PTPRD: variants seen among roughly 807,000 people sequenced by gnomAD.
The protein encoded by PTPRD is receptor-type tyrosine-protein phosphatase delta.
PTPRD carries 34 observed loss-of-function variants against 214.5 expected under a neutral mutation model. That is an observed-to-expected ratio of 0.16 (90% CI 0.12 to 0.21). PTPRD has a LOEUF of 0.21. Ranked by LOEUF, PTPRD falls within the 10% of genes least tolerant of loss-of-function variation. PTPRD has a pLI of 1.00. For missense variants in PTPRD, 2,545 were observed against 2,398.7 expected (o/e 1.06, Z -1.27); for synonymous variants, 1,128 against 845.7 (o/e 1.33, Z -5.79).
At chr9:9,941,798 G>C (rs942643669) in intron 4 of PTPRD, among the ~76,000 whole-genome samples, 4 of 152,072 alleles carry the variant, frequency 2.6e-5, no homozygotes, top group African/African-American at 7.2e-5. Context: ...CTTTTCTCTG[G>C]GAAGCCTTGC....
rs977050148 is a variant in PTPRD at position 9,777,578 on chromosome 9, G to C, written c.-367-10727C>G. On this transcript the variant is annotated intron_variant, in intron 5 of 45. Transcript: ENST00000381196. ...CCAGTTATGGTGGCACATGCCTGTT[G>C]TCCCAGCTACTCAAGAGCCGGAGGT... is the stretch of plus-strand genomic sequence containing the variant. Among the ~76,000 whole-genome samples, 4 of 152,000 alleles carry C rather than the reference G, an allele frequency of 2.6e-5. No individual in the cohort carries two copies. In the South Asian group the frequency reaches 6.2e-4, roughly 24 times the overall value.
intron 9 of PTPRD, among the ~76,000 whole-genome samples, chr9:9,362,436 A>T (rs2056508682): frequency 1.3e-5 from 2 of 151,258 alleles, no homozygotes; most frequent in African/African-American, 4.8e-5. Flanking sequence ...ACACAGTGTG[A>T]TATCTACAAT....
intron 12 of PTPRD, among the ~76,000 whole-genome samples, chr9:8,673,884 C>G (rs10122820): frequency 6.6e-6 from 1 of 151,708 alleles, no homozygotes; most frequent in South Asian, 2.1e-4. Flanking sequence ...GCAGGATGTT[C>G]AGCAGCACCC....
intron 9 of PTPRD, among the ~76,000 whole-genome samples, chr9:9,199,165 G>C (rs10121946): frequency 0.02 from 3,096 of 152,184 alleles, 106 homozygotes; most frequent in African/African-American, 0.071. Flanking sequence ...AAAGAGGAGA[G>C]AATGACTAGT....
At chr9:9,855,925 G>C (rs531235666) in intron 5 of PTPRD, among the ~76,000 whole-genome samples, 2 of 152,250 alleles carry the variant, frequency 1.3e-5, no homozygotes, top group Admixed American at 1.3e-4. Context: ...TACCGGTGAG[G>C]GTAAAGGGGC....
intron 7 of PTPRD, among the ~76,000 whole-genome samples, chr9:9,728,255 T>G (rs556008921): frequency 6.6e-6 from 1 of 152,104 alleles, no homozygotes; most frequent in East Asian, 1.9e-4. Context: ...ATCTGCAGAG[T>G]GAAAACAAAC....
chr9:10,594,086 T>C (rs2076109173), intron 2 of PTPRD, among the ~76,000 whole-genome samples: 1 of 152,030 alleles, frequency 6.6e-6, no homozygotes, highest in Non-Finnish European at 1.5e-5. Flanking sequence ...CTACTTATTT[T>C]AAATCATTTA....
intron 9 of PTPRD, among the ~76,000 whole-genome samples, chr9:9,249,445 A>C (rs2099974521): frequency 6.6e-6 from 1 of 152,070 alleles, no homozygotes; most frequent in African/African-American, 2.4e-5. Context: ...AAACCTCTTG[A>C]TTTCTAAATG....
chr9:8,686,964 A>G (rs565727667), intron 12 of PTPRD, among the ~76,000 whole-genome samples: 1 of 152,284 alleles, frequency 6.6e-6, no homozygotes, highest in Non-Finnish European at 1.5e-5. Flanking sequence ...TGTGTAAGAT[A>G]TGGTATTTCC....
intron 8 of PTPRD, among the ~76,000 whole-genome samples, chr9:9,475,297 C>T (rs2094943026): frequency 6.6e-6 from 1 of 152,092 alleles, no homozygotes; most frequent in Admixed American, 6.5e-5. Flanking sequence ...CATCCAAAAC[C>T]AATACTAGAA....
At chr9:9,870,565 G>C (rs1222685468) in intron 5 of PTPRD, among the ~76,000 whole-genome samples, 1 of 151,710 alleles carries the variant, frequency 6.6e-6, no homozygotes, top group African/African-American at 2.4e-5. Flanking sequence ...ATATTGTTGA[G>C]ATAATTATAG....
intron 3 of PTPRD, among the ~76,000 whole-genome samples, chr9:10,044,356 G>A (rs1051829372): frequency 4.6e-5 from 7 of 151,750 alleles, no homozygotes; most frequent in Non-Finnish European, 7.4e-5. Context: ...ATTGTTCAGC[G>A]ATGAAGCCTT....
intron 9 of PTPRD, among the ~76,000 whole-genome samples, chr9:9,203,099 T>G (rs752257235): frequency 1.3e-5 from 2 of 152,016 alleles, no homozygotes; most frequent in Non-Finnish European, 2.9e-5. Context: ...TCAAAACAAA[T>G]TCTGAAAAGT....
intron 8 of PTPRD, among the ~76,000 whole-genome samples, chr9:9,439,368 A>G (rs935848967): frequency 6.6e-6 from 1 of 152,186 alleles, no homozygotes; most frequent in Non-Finnish European, 1.5e-5. Flanking sequence ...TCCCAAAGAA[A>G]CTGAGGATCA....
At chr9:8,443,892 A>G (rs79239856) in intron 34 of PTPRD, among the ~76,000 whole-genome samples, 23,897 of 152,156 alleles carry the variant, frequency 0.16, 2,255 homozygotes, top group East Asian at 0.27. Flanking sequence ...ATGAACACAT[A>G]TTAGTAATTT....
intron 3 of PTPRD, among the ~76,000 whole-genome samples, chr9:10,311,266 C>T (rs1474412102): frequency 2.0e-5 from 3 of 151,768 alleles, no homozygotes; most frequent in Admixed American, 1.3e-4. Flanking sequence ...CTTCACAATG[C>T]CTTTTTCTAA....
chr9:9,421,947 C>A (rs1311013471), intron 8 of PTPRD, among the ~76,000 whole-genome samples: 1 of 149,840 alleles, frequency 6.7e-6, no homozygotes, highest in Non-Finnish European at 1.5e-5. Flanking sequence ...AACAAACAAA[C>A]AACAATAACA....
At chr9:10,279,959 T>G (rs560656818) in intron 3 of PTPRD, among the ~76,000 whole-genome samples, 1 of 152,194 alleles carries the variant, frequency 6.6e-6, no homozygotes, top group African/African-American at 2.4e-5. Context: ...ATATAGTTCA[T>G]CCTAAATCTT....
At chr9:8,406,407 A>G (rs17561379) in intron 35 of PTPRD, among the ~76,000 whole-genome samples, 25,851 of 152,128 alleles carry the variant, frequency 0.17, 2,614 homozygotes, top group Non-Finnish European at 0.23. Flanking sequence ...TGTCTGATTG[A>G]AATCCCTTCT....
Sources: gnomAD v4.1 joint callset for allele counts (sites outside exome capture counted in the v4.1 genomes callset) on GRCh38, gnomAD v4.1.1 for gene constraint, MANE v1.5 for transcripts, NCBI Gene and HGNC (gene_info 2026-07-23, HGNC 2026-07-21) for gene names.